The following XXYLT1 variants were observed in gnomAD, a reference collection of about 807,000 sequenced individuals.
XXYLT1 encodes UDP-xylose:alpha-xyloside alpha-1,3-xylosyltransferase.
A neutral mutation model predicts 28.9 loss-of-function variants in XXYLT1; 20 were observed. The observed-to-expected ratio is 0.69, with a 90% confidence interval of 0.49 to 1.00. The LOEUF (loss-of-function observed/expected upper bound fraction) is 1.00. Among genes scored for constraint, XXYLT1 ranks in the 50% least tolerant of loss-of-function variants. The pLI is 0.00. For synonymous variants in XXYLT1, 257 were observed against 253.8 expected (o/e 1.01, Z -0.12); for missense variants, 542 against 560.1 (o/e 0.97, Z 0.33).
intron 2 of XXYLT1, among the ~76,000 whole-genome samples, chr3:195,184,398 A>G (rs1331749669): frequency 6.6e-6 from 1 of 152,248 alleles, no homozygotes; most frequent in Non-Finnish European, 1.5e-5. Context: ...AAACACCTTT[A>G]GATCATAACA....
chr3:195,095,023 G>T (rs2108666007), intron 3 of XXYLT1, among the ~76,000 whole-genome samples: 1 of 152,346 alleles, frequency 6.6e-6, no homozygotes, highest in South Asian at 2.1e-4. Flanking sequence ...TTAAAATGCA[G>T]ACTGGGATTC....
intron 3 of XXYLT1, among the ~76,000 whole-genome samples, chr3:195,114,508 G>A (rs146140512): frequency 5.9e-5 from 9 of 152,252 alleles, no homozygotes; most frequent in Non-Finnish European, 1.0e-4. Flanking sequence ...CATTTCTCTA[G>A]CACTTGAAAC....
At chr3:195,215,297 A>G (rs1394024241) in intron 2 of XXYLT1, among the ~76,000 whole-genome samples, 2 of 140,746 alleles carry the variant, frequency 1.4e-5, no homozygotes, top group Non-Finnish European at 3.1e-5. Context: ...CATCATAATG[A>G]CAGGATCAAA....
At chr3:195,074,269 G>C (rs1320764540) in intron 3 of XXYLT1, among the ~76,000 whole-genome samples, 1 of 152,212 alleles carries the variant, frequency 6.6e-6, no homozygotes, top group Non-Finnish European at 1.5e-5. Flanking sequence ...AGGCAAAGAA[G>C]GCTCCATTTG....
intron 3 of XXYLT1, among the ~76,000 whole-genome samples, chr3:195,118,343 G>C (rs1272170970): frequency 6.6e-6 from 1 of 152,196 alleles, no homozygotes; most frequent in Non-Finnish European, 1.5e-5. Flanking sequence ...AGTTCCAAAG[G>C]TCCTTCTAAT....
chr3:195,122,122 G>A (rs1577054022), intron 3 of XXYLT1: 2 of 703,004 alleles, frequency 2.8e-6, no homozygotes, highest in East Asian at 5.4e-5. Flanking sequence ...CCTTTCCCCA[G>A]TCTCCTCATA....
rs1371034316 is a variant in XXYLT1 at position 195,209,073 on chromosome 3, G to A, written c.652+17636C>T. Among the ~76,000 whole-genome samples the A allele has an allele frequency of 2.0e-5, 3 of 152,218 alleles. No homozygotes were observed. The highest frequency in any genetic ancestry group is 7.2e-5 in the African/African-American group (3 of 41,462). On this transcript the variant is annotated intron_variant, in intron 2 of 3. Coordinates refer to ENST00000310380, the MANE Select transcript of XXYLT1 (RefSeq NM_152531.5). The surrounding 1 kb of genome is among the most constrained non-coding windows in gnomAD (Gnocchi z 5.0). ...AACCCAAGACAGAAGGGAAGCCATC[G>A]CCCACCTCCCCTTACGTGGCTCACT...
At chr3:195,110,557 GTGTA>G (rs1240592940) in intron 3 of XXYLT1, among the ~76,000 whole-genome samples, 11 of 94,914 alleles carry the variant, frequency 1.2e-4, no homozygotes, top group African/African-American at 2.7e-4. Context: ...TGTGTGTGTG[GTGTA>G]TGTATGTGGT....
chr3:195,112,523 C>T (rs1258690088), intron 3 of XXYLT1, among the ~76,000 whole-genome samples: 3 of 140,046 alleles, frequency 2.1e-5, no homozygotes, highest in Admixed American at 7.0e-5. Flanking sequence ...CCCACACACA[C>T]ACACAGAGCC....
intron 2 of XXYLT1, among the ~76,000 whole-genome samples, chr3:195,192,146 G>C (rs566400241): frequency 3.3e-5 from 5 of 152,160 alleles, no homozygotes; most frequent in African/African-American, 9.7e-5. Context: ...GTTTGAGGTC[G>C]GGTACAGTGG....
At chr3:195,267,067 A>G (rs145066587) in intron 1 of XXYLT1, among the ~76,000 whole-genome samples, 34 of 152,394 alleles carry the variant, frequency 2.2e-4, no homozygotes, top group African/African-American at 8.2e-4. Flanking sequence ...CCAATTAGCC[A>G]AAATAAAATC....
rs534607223 is a variant in XXYLT1 at position 195,112,661 on chromosome 3, C to T, written c.786-42550G>A. 2.6e-3 allele frequency among the ~76,000 whole-genome samples: 395 copies of T among 149,482 alleles called. 1 individual carries two copies. The highest frequency in any genetic ancestry group is 9.2e-3 in the African/African-American group (376 of 40,786). ...CATGCACACACGCAGCTCCCAGCCCCGGGTGGTGGGAATAGTTGGATGAAG... is the reference window on the plus strand; with the variant it reads ...CATGCACACACGCAGCTCCCAGCCCTGGGTGGTGGGAATAGTTGGATGAAG... On this transcript the variant is annotated intron_variant, in intron 3 of 3. Transcript: ENST00000310380.
Position 195,256,660 on chromosome 3 carries a change from G to A in XXYLT1, c.504+13895C>T. Reference sequence around the variant, plus strand: ...ATACACGCCTGGAAGAGAACAGACTGTTACTCAGAGCCGGAGCGTCCCCAC... The same window carrying A: ...ATACACGCCTGGAAGAGAACAGACTATTACTCAGAGCCGGAGCGTCCCCAC... On this transcript the variant is annotated intron_variant, in intron 1 of 3. Coordinates refer to ENST00000310380, the MANE Select transcript of XXYLT1 (RefSeq NM_152531.5). This position sits in a 1 kb window ranked among gnomAD's most constrained non-coding sequence, Gnocchi z 4.2. The A allele has an allele frequency of 1.5e-5, 13 of 846,686 alleles. No homozygotes were observed. The highest frequency in any genetic ancestry group is 1.8e-5 in the Non-Finnish European group (13 of 703,258). The allele number at this position is 846,686 out of a possible 1,614,324, so 52.4% of individuals were successfully genotyped here.
At chr3:195,266,051 AGAC>A in intron 1 of XXYLT1, among the ~76,000 whole-genome samples, 1 of 152,330 alleles carries the variant, frequency 6.6e-6, no homozygotes, top group South Asian at 2.1e-4. Context: ...CTTGACAGAA[AGAC>A]AACAGATGCT....
intron 3 of XXYLT1, among the ~76,000 whole-genome samples, chr3:195,120,885 A>G (rs1211399998): frequency 6.6e-6 from 1 of 152,198 alleles, no homozygotes; most frequent in Admixed American, 6.5e-5. Flanking sequence ...CCCTGTTCCC[A>G]GACAGTCAGG....
intron 2 of XXYLT1, among the ~76,000 whole-genome samples, chr3:195,185,446 G>C (rs1231108334): frequency 2.0e-5 from 3 of 150,428 alleles, no homozygotes; most frequent in African/African-American, 7.3e-5. Context: ...TAGGCCACTA[G>C]TATTTTGGGG....
chr3:195,140,479 A>C (rs1719426704), intron 3 of XXYLT1, among the ~76,000 whole-genome samples: 1 of 152,222 alleles, frequency 6.6e-6, no homozygotes, highest in Admixed American at 6.5e-5. Flanking sequence ...CTATAAAGAC[A>C]TACCTGAGAT....
chr3:195,167,655 A>T (rs1323540244), intron 2 of XXYLT1, among the ~76,000 whole-genome samples: 1 of 152,180 alleles, frequency 6.6e-6, no homozygotes, highest in African/African-American at 2.4e-5. Flanking sequence ...CACTCCTTCT[A>T]CATTTATTAG....
At position 195,271,145 on chromosome 3, in the gene XXYLT1, C is replaced by G; in HGVS notation, c.-87G>C. 1 of 1,254,724 alleles carries G rather than the reference C, an allele frequency of 8.0e-7. No homozygotes were observed. Among genetic ancestry groups the G allele is most frequent in the Non-Finnish European group, 1.0e-6 (1 of 1,000,918 alleles). The allele number at this position is 1,254,724 out of a possible 1,614,324, so 77.7% of individuals were successfully genotyped here. On this transcript the variant is annotated 5_prime_UTR_variant, in exon 1 of 4. Coordinates refer to ENST00000310380, the MANE Select transcript of XXYLT1 (RefSeq NM_152531.5). ...CGCCGGCGGCCACTTAGCCCCGGCG[C>G]CAGGCGGCGGCCATGAAAGGGGCGG...
Sources: gnomAD v4.1 joint callset for allele counts (sites outside exome capture counted in the v4.1 genomes callset) on GRCh38, gnomAD v4.1.1 for gene constraint, Gnocchi (gnomAD v3.1) non-coding constraint, MANE v1.5 for transcripts, NCBI Gene and HGNC (gene_info 2026-07-23, HGNC 2026-07-21) for gene names.